PIR: variants seen among roughly 807,000 people sequenced by gnomAD.
PIR encodes pirin (iron-binding nuclear protein).
A neutral mutation model predicts 24.2 loss-of-function variants in PIR; 22 were observed. The observed-to-expected ratio is 0.91, with a 90% CI of 0.65 to 1.30. The LOEUF (loss-of-function observed/expected upper bound fraction) is 1.30, where lower values mean the gene tolerates loss of function less well. Among genes scored for constraint, PIR ranks in the 50% most tolerant of loss-of-function variants. The pLI, the probability that PIR is intolerant of heterozygous loss-of-function variation, is 0.00. For synonymous variants in PIR, 80 were observed against 79.6 expected (o/e 1.00, Z -0.03); for missense variants, 220 against 220.3 (o/e 1.00, Z 0.01).
intron 5 of PIR, among the ~76,000 whole-genome samples, chrX:15,437,819 T>C (rs1925797363): frequency 8.9e-6 from 1 of 112,487 alleles, no homozygotes; most frequent in Non-Finnish European, 1.9e-5. Context: ...CACCTGGACA[T>C]GTAAGCCTCC....
At chrX:15,395,203 G>C (rs1924089740) in intron 8 of PIR, among the ~76,000 whole-genome samples, 1 of 111,769 alleles carries the variant, frequency 8.9e-6, no homozygotes, top group African/African-American at 3.3e-5. Flanking sequence ...TCTACCTGTA[G>C]AAACTGTTAT....
At chrX:15,458,521 C>T (rs145140540) in intron 4 of PIR, among the ~76,000 whole-genome samples, 1,607 of 111,116 alleles carry the variant, frequency 0.014, 14 homozygotes, top group Non-Finnish European at 0.024. Context: ...CACCTGTGGT[C>T]CCACCTACTA....
intron 6 of PIR, among the ~76,000 whole-genome samples, chrX:15,420,074 G>T (rs1041787147): frequency 6.0e-4 from 66 of 109,502 alleles, no homozygotes; most frequent in African/African-American, 2.2e-3. Flanking sequence ...GCATGCGCCT[G>T]TAGTCTCAGG....
intron 5 of PIR, among the ~76,000 whole-genome samples, chrX:15,446,311 A>G (rs1294409148): frequency 9.0e-6 from 1 of 111,386 alleles, no homozygotes; most frequent in African/African-American, 3.3e-5. Context: ...ATACCACTGA[A>G]CACTGTTTCT....
At chrX:15,425,411 C>CTTTTTTTTTTTTTTTTTTTT (rs756160029) in intron 6 of PIR, among the ~76,000 whole-genome samples, 4 of 92,112 alleles carry the variant, frequency 4.3e-5, no homozygotes, top group African/African-American at 1.3e-4. Flanking sequence ...TTCTTTCTTT[C>CTTTTTTTTTTTTTTTTTTTT]TTTTTTTTTT....
intron 5 of PIR, among the ~76,000 whole-genome samples, chrX:15,433,566 GAGAA>G (rs1318654196): frequency 2.9e-4 from 28 of 96,328 alleles, no homozygotes; most frequent in African/African-American, 7.8e-4. Flanking sequence ...AAGAAAGAGA[GAGAA>G]AGAAAGAAAT....
chrX:15,466,006 G>GTTTTTTTTTTTTTT (rs200803758), intron 3 of PIR, among the ~76,000 whole-genome samples: 47 of 63,097 alleles, frequency 7.4e-4, no homozygotes, highest in African/African-American at 1.2e-3. Context: ...AATGGTGGCT[G>GTTTTTTTTTTTTTT]TTTTTTTTTT....
intron 7 of PIR, among the ~76,000 whole-genome samples, chrX:15,403,989 T>TTTTA (rs1924472331): frequency 1.9e-5 from 1 of 53,304 alleles, no homozygotes; most frequent in African/African-American, 6.0e-5. Context: ...ACATCCAGCA[T>TTTTA]TTTCTTTTTT....
intron 5 of PIR, among the ~76,000 whole-genome samples, chrX:15,453,772 G>T (rs1920992247): frequency 9.0e-6 from 1 of 111,603 alleles, no homozygotes; most frequent in South Asian, 3.7e-4. Flanking sequence ...TGCTTTACTG[G>T]CTCCAACTTT....
At chrX:15,400,448 C>T (rs1364720211) in intron 7 of PIR, among the ~76,000 whole-genome samples, 1 of 111,816 alleles carries the variant, frequency 8.9e-6, no homozygotes, top group African/African-American at 3.2e-5. Context: ...TATACCAAAA[C>T]AGTTTATAAA....
intron 2 of PIR, among the ~76,000 whole-genome samples, chrX:15,480,973 A>G (rs1360653192): frequency 8.9e-6 from 1 of 112,855 alleles, no homozygotes; most frequent in East Asian, 2.8e-4. Flanking sequence ...GGCAAAGGCC[A>G]GAACTAAGGC....
intron 8 of PIR, among the ~76,000 whole-genome samples, chrX:15,391,204 T>G (rs941228773): frequency 8.9e-6 from 1 of 112,395 alleles, no homozygotes; most frequent in East Asian, 2.8e-4. Flanking sequence ...TTGTAAGTTT[T>G]GTAAATATCA....
chrX:15,433,544 G>GAAAGAAAGAAAGAAAGAAAGAAAGAA (rs780968509), intron 5 of PIR, among the ~76,000 whole-genome samples: 2 of 58,729 alleles, frequency 3.4e-5, no homozygotes, highest in East Asian at 5.5e-4. Context: ...AAGAAAGAAA[G>GAAAGAAAGAAAGAAAGAAAGAAAGAA]AGAGAGAAAG....
chrX:15,427,705 C>A (rs1925362849), intron 5 of PIR, among the ~76,000 whole-genome samples: 3 of 110,123 alleles, frequency 2.7e-5, no homozygotes, highest in Non-Finnish European at 5.7e-5. Flanking sequence ...CACACACACA[C>A]ACACACACAC....
intron 8 of PIR, among the ~76,000 whole-genome samples, chrX:15,391,192 T>C (rs1923947394): frequency 8.9e-6 from 1 of 112,134 alleles, no homozygotes; most frequent in Non-Finnish European, 1.9e-5. Context: ...GTTCATAATG[T>C]CTTGTAAGTT....
intron 5 of PIR, among the ~76,000 whole-genome samples, chrX:15,440,627 T>C (rs1488619008): frequency 9.0e-6 from 1 of 111,719 alleles, no homozygotes; most frequent in Non-Finnish European, 1.9e-5. Flanking sequence ...TGCCAGCACT[T>C]CACAGTACCC....
chrX:15,402,401 T>C (rs1417627585), intron 7 of PIR, among the ~76,000 whole-genome samples: 1 of 111,517 alleles, frequency 9.0e-6, no homozygotes, highest in Non-Finnish European at 1.9e-5. Context: ...TGTGGGAACA[T>C]AGTAGGTGTA....
chrX:15,401,768 A>G (rs1224276889), intron 7 of PIR, among the ~76,000 whole-genome samples: 2 of 112,378 alleles, frequency 1.8e-5, no homozygotes, highest in African/African-American at 6.5e-5. Flanking sequence ...TTGTAAAGTT[A>G]GTGCTGCATC....
chrX:15,483,048 C>G (rs1016880611), intron 2 of PIR, among the ~76,000 whole-genome samples: 2 of 109,344 alleles, frequency 1.8e-5, no homozygotes, highest in African/African-American at 6.7e-5. Context: ...AGGATGTCTA[C>G]TCTGTCATAT....
Sources: allele counts gnomAD v4.1 joint callset (sites outside exome capture counted in the v4.1 genomes callset), GRCh38; gene constraint gnomAD v4.1.1; transcripts MANE v1.5; gene names NCBI Gene and HGNC (gene_info 2026-07-23, HGNC 2026-07-21).